Variants in MGST1 observed in about 807,000 individuals in gnomAD.
The protein encoded by MGST1 is microsomal glutathione S-transferase 1.
Under a neutral mutation model 8.9 loss-of-function variants are expected in MGST1, and 5 were observed. That is an observed-to-expected ratio of 0.56 (90% CI 0.29 to 1.19). The LOEUF is 1.19. MGST1 is among the 50% of genes most tolerant of loss of function. MGST1 has a pLI of 0.08. For missense variants in MGST1, 182 were observed against 187.4 expected (o/e 0.97, Z 0.17); for synonymous variants, 54 against 67.8 (o/e 0.80, Z 1.00).
At chr12:16,534,879 A>G (rs1565470999) in intron 4 of MGST1, among the ~76,000 whole-genome samples, 1 of 152,192 alleles carries the variant, frequency 6.6e-6, no homozygotes, top group Admixed American at 6.5e-5. Flanking sequence ...CCAGGCTGCC[A>G]TATCCTGAAC....
chr12:16,433,111 C>T (rs575652694), intron 1 of MGST1, among the ~76,000 whole-genome samples: 115 of 152,190 alleles, frequency 7.6e-4, no homozygotes, highest in African/African-American at 2.6e-3. Flanking sequence ...CAGTCCAAGT[C>T]CCAAAACTGA....
chr12:16,479,624 C>G (rs1044484417), intron 4 of MGST1, among the ~76,000 whole-genome samples: 7 of 149,812 alleles, frequency 4.7e-5, no homozygotes, highest in African/African-American at 1.7e-4. Context: ...GCCTCAACCT[C>G]CTGGGCTCAA....
At chr12:16,534,937 G>A (rs1941745558) in intron 4 of MGST1, among the ~76,000 whole-genome samples, 1 of 152,138 alleles carries the variant, frequency 6.6e-6, no homozygotes, top group African/African-American at 2.4e-5. Flanking sequence ...TTGTGGGAGA[G>A]ATGGTTCTCG....
chr12:16,384,521 G>C lies in MGST1; in HGVS notation n.778+917G>C, dbSNP rs114349457. Among the ~76,000 whole-genome samples the C allele has an allele frequency of 4.7e-3, 716 of 152,260 alleles. 10 individuals are homozygous for C. Among genetic ancestry groups the C allele is most frequent in the African/African-American group, 0.016 (685 of 41,544 alleles). On this transcript the variant is annotated intron_variant and non_coding_transcript_variant, in intron 1 of 1. Transcript: ENST00000359720. ...AACCAGAAGGTAGGAGAGAGGCAAG[G>C]AACAGACGCCCTGGAGAATCCAGAC...
At chr12:16,372,884 T>C (rs1296108345) in intron 3 of MGST1, among the ~76,000 whole-genome samples, 2 of 147,960 alleles carry the variant, frequency 1.4e-5, no homozygotes, top group Non-Finnish European at 3.0e-5. Flanking sequence ...ATATATTACA[T>C]ATTATGTAGT....
In MGST1 at chr12:16,560,505, A is replaced by G. The variant is rs1177298102; in HGVS notation, n.483-29023A>G. 7.4e-6 allele frequency: 12 copies of G among 1,613,886 alleles called. No homozygotes were observed. The highest frequency in any genetic ancestry group is 1.0e-5 in the Non-Finnish European group (12 of 1,179,854). The stretch of plus-strand genomic sequence containing the variant: ...TCTCAAAGGCAGGGATGAGCTTACT[A>G]CAGGCAGCGCAGTTTCCCGTTACAC... On this transcript the variant is annotated intron_variant and non_coding_transcript_variant, in intron 4 of 4. Transcript: ENST00000538857. This position sits in a 1 kb window ranked among gnomAD's most constrained non-coding sequence, Gnocchi z 5.0.
At chr12:16,593,042 T>G (rs1943542931), downstream of MGST1, among the ~76,000 whole-genome samples, 1 of 151,872 alleles carries the variant, frequency 6.6e-6, no homozygotes, top group South Asian at 2.1e-4. This position sits in a 1 kb window ranked among gnomAD's most constrained non-coding sequence, Gnocchi z 4.2. Flanking sequence ...TTTTTCTCTG[T>G]GGTATCTGGA....
At position 16,582,489 on chromosome 12, in the gene MGST1, CTGCT is replaced by C; in HGVS notation, n.483-7037_483-7034del. ...TAGAGTTATGTTAGTTTTGCATAAGCTGCTTTACATATTTTGAACTTAAGCTTCC... is the reference window on the plus strand; with the variant it reads ...TAGAGTTATGTTAGTTTTGCATAAGCTTACATATTTTGAACTTAAGCTTCC... On this transcript the variant is annotated intron_variant and non_coding_transcript_variant, in intron 4 of 4. Coordinates refer to the MGST1 transcript ENST00000538857. This position sits in a 1 kb window ranked among gnomAD's most constrained non-coding sequence, Gnocchi z 4.1. 6.6e-6 allele frequency among the ~76,000 whole-genome samples: 1 copy of C among 152,232 alleles called. No individual in the cohort carries two copies. Among genetic ancestry groups the C allele is most frequent in the Non-Finnish European group, 1.5e-5 (1 of 68,014 alleles).
Position 16,490,103 on chromosome 12 carries a change from G to GA in MGST1, n.483-99415dup, listed in dbSNP as rs902278259. ...GTAGTGAGACCCTATCTTTACAAAA[G>GA]AAAAAAAAAAGTAGCTGGGCATGAT... On this transcript the variant is annotated intron_variant and non_coding_transcript_variant, in intron 4 of 4. Coordinates refer to the MGST1 transcript ENST00000538857. 3.1e-4 allele frequency among the ~76,000 whole-genome samples: 46 copies of GA among 147,254 alleles called. No individual in the cohort carries two copies. In the East Asian group the frequency reaches 4.0e-3, roughly 13 times the overall value.
chr12:16,573,476 G>GTATAAATAAATA (rs1942890305), intron 4 of MGST1: 3 of 152,146 alleles, frequency 2.0e-5, no homozygotes, highest in Non-Finnish European at 2.9e-5. Context: ...TATAAATAAA[G>GTATAAATAAATA]TACTAACCTA....
intron 4 of MGST1, among the ~76,000 whole-genome samples, chr12:16,499,653 T>C (rs1038137316): frequency 2.6e-5 from 4 of 152,100 alleles, no homozygotes; most frequent in African/African-American, 9.7e-5. Flanking sequence ...GTTTTTTTTT[T>C]TCTCTCTACA....
exon 2 of MGST1, chr12:16,437,831 T>G (rs1941001535): frequency 6.6e-6 from 1 of 151,208 alleles, no homozygotes; most frequent in South Asian, 2.1e-4. Context: ...ATCCACAAAT[T>G]TTATCATAAG....
intron 1 of MGST1, among the ~76,000 whole-genome samples, chr12:16,398,847 C>T (rs1940627836): frequency 6.6e-6 from 1 of 152,038 alleles, no homozygotes; most frequent in African/African-American, 2.4e-5. Flanking sequence ...AAGGTCATGG[C>T]AATAGGGTAG....
chr12:16,470,050 T>C (rs1941282026), intron 4 of MGST1, among the ~76,000 whole-genome samples: 1 of 152,194 alleles, frequency 6.6e-6, no homozygotes. Flanking sequence ...TCAAAAATAT[T>C]GTACATATTC....
At chr12:16,431,401 C>A (rs567598053) in intron 1 of MGST1, among the ~76,000 whole-genome samples, 2 of 152,222 alleles carry the variant, frequency 1.3e-5, no homozygotes, top group East Asian at 3.9e-4. Context: ...ATATGCCTTC[C>A]TCACTGAACT....
chr12:16,527,333 A>G (rs1274459395), intron 4 of MGST1, among the ~76,000 whole-genome samples: 2 of 152,036 alleles, frequency 1.3e-5, no homozygotes, highest in Non-Finnish European at 2.9e-5. Context: ...GTGATTTAGG[A>G]TTCTGTAATT....
chr12:16,441,590 A>G (rs528657737), downstream of MGST1, among the ~76,000 whole-genome samples: 1 of 152,008 alleles, frequency 6.6e-6, no homozygotes, highest in South Asian at 2.1e-4. Context: ...CACAGTATGT[A>G]GCCTTTTCAA....
chr12:16,357,576 A>G (rs369253092), intron 2 of MGST1, 29 bp from the exon 3 acceptor site: 26 of 1,574,944 alleles, frequency 1.7e-5, no homozygotes, highest in South Asian at 2.3e-5. Context: ...AGTATTTGAA[A>G]TAAGTTTTTT....
At chr12:16,562,621 C>T (rs1243449996) in intron 4 of MGST1, among the ~76,000 whole-genome samples, 3 of 152,212 alleles carry the variant, frequency 2.0e-5, no homozygotes, top group African/African-American at 7.2e-5. Context: ...CTGAGACCTG[C>T]TTCTGCTGCC....
Sources: allele counts gnomAD v4.1 joint callset (sites outside exome capture counted in the v4.1 genomes callset), GRCh38; gene constraint gnomAD v4.1.1; non-coding constraint Gnocchi (gnomAD v3.1); transcripts MANE v1.5; gene names NCBI Gene and HGNC (gene_info 2026-07-23, HGNC 2026-07-21).